The following ETV6 variants were observed in gnomAD, a reference collection of about 807,000 sequenced individuals.
ETV6 encodes the protein ETS variant transcription factor 6, also known as transcription factor ETV6.
ETV6 carries 16 observed loss-of-function variants against 51.1 expected under a neutral mutation model. The ratio of observed to expected loss-of-function variants is 0.31; its 90% CI spans 0.21 to 0.48. The LOEUF (loss-of-function observed/expected upper bound fraction) is 0.48, where lower values mean the gene tolerates loss of function less well. ETV6 is among the 20% of genes least tolerant of loss of function. The pLI is 0.99. For missense variants in ETV6, 458 were observed against 594.8 expected (o/e 0.77, Z 2.39); for synonymous variants, 240 against 224.1 (o/e 1.07, Z -0.64).
At chr12:11,688,606 A>G (rs1471994934) in intron 1 of ETV6, among the ~76,000 whole-genome samples, 1 of 152,230 alleles carries the variant, frequency 6.6e-6, no homozygotes, top group African/African-American at 2.4e-5. Context: ...AAGACTGCAG[A>G]AGGCAGAGTT....
At chr12:11,888,450 C>T (rs183561256) in intron 7 of ETV6, among the ~76,000 whole-genome samples, 2 of 147,044 alleles carry the variant, frequency 1.4e-5, no homozygotes, top group East Asian at 3.9e-4. Context: ...GGCTACAGTG[C>T]AGTGGCACAA....
At chr12:11,813,044 C>G (rs886613476) in intron 2 of ETV6, among the ~76,000 whole-genome samples, 3 of 152,188 alleles carry the variant, frequency 2.0e-5, no homozygotes, top group Non-Finnish European at 4.4e-5. Flanking sequence ...GCCTTCAGTT[C>G]GCCGGGATGT....
At chr12:11,835,155 G>A (rs1163833838) in intron 2 of ETV6, among the ~76,000 whole-genome samples, 2 of 152,176 alleles carry the variant, frequency 1.3e-5, no homozygotes, top group Non-Finnish European at 2.9e-5. Context: ...GGACCTACTC[G>A]GGAGAGGGGA....
chr12:11,707,680 C>G (rs1865098512), intron 1 of ETV6, among the ~76,000 whole-genome samples: 1 of 152,162 alleles, frequency 6.6e-6, no homozygotes, highest in Non-Finnish European at 1.5e-5. Flanking sequence ...TAATCGGGAC[C>G]TTTCTTTGAT....
chr12:11,760,906 G>A (rs61921812), intron 2 of ETV6, among the ~76,000 whole-genome samples: 89,035 of 150,424 alleles, frequency 0.59, 27,608 homozygotes, highest in Admixed American at 0.74. Flanking sequence ...GTGTGTGTGT[G>A]TGTATATAAA....
intron 2 of ETV6, among the ~76,000 whole-genome samples, chr12:11,770,858 C>T (rs577232796): frequency 6.6e-6 from 1 of 152,110 alleles, no homozygotes; most frequent in Admixed American, 6.5e-5. Context: ...CATGATTGTG[C>T]CACTGCACTC....
chr12:11,707,549 C>T (rs1217442737), intron 1 of ETV6, among the ~76,000 whole-genome samples: 1 of 152,146 alleles, frequency 6.6e-6, no homozygotes, highest in African/African-American at 2.4e-5. Context: ...TGAGAAATGT[C>T]GGAAGCATGG....
rs565583237 is a variant in ETV6, at chr12:11,882,053, C to G, written c.1010-2392C>G. On this transcript the variant is annotated intron_variant, in intron 5 of 7. Transcript: ENST00000396373. ...TTAGAATGGGGTTCAAAGTCCAGGA[C>G]TATGGTGTTGTTGTTTTAAGAAGGA... Among the ~76,000 whole-genome samples the G allele has an allele frequency of 9.9e-5, 15 of 152,282 alleles. No homozygotes were observed. In the South Asian group the frequency reaches 3.1e-3, roughly 32 times the overall value.
rs1249032859 is a variant in ETV6, at chr12:11,893,535, A to G, written c.*2489A>G. The stretch of plus-strand genomic sequence containing the variant: ...TTATTTCCCATTCAGATACAGGTTG[A>G]GCATCCCTAATCTGAACAGTTAAAA... On this transcript the variant is annotated 3_prime_UTR_variant, in exon 8 of 8. Transcript: ENST00000396373. 8.6e-6 allele frequency: 2 copies of G among 231,764 alleles called. No homozygotes were observed. The highest frequency in any genetic ancestry group is 1.7e-5 in the Non-Finnish European group (2 of 117,216). 14.4% of individuals were successfully genotyped at this position (231,764 alleles called of 1,614,324 possible).
chr12:11,724,273 A>G (rs550680176), intron 1 of ETV6, among the ~76,000 whole-genome samples: 1 of 152,202 alleles, frequency 6.6e-6, no homozygotes, highest in Admixed American at 6.5e-5. Flanking sequence ...TAAGGTTTCC[A>G]TGCGCAGCCT....
intron 5 of ETV6, among the ~76,000 whole-genome samples, chr12:11,879,566 A>AC (rs1259144178): frequency 2.6e-5 from 4 of 152,232 alleles, no homozygotes; most frequent in African/African-American, 9.6e-5. Flanking sequence ...AGCTGCGGAT[A>AC]CCGAGGGTAC....
chr12:11,745,049 C>T (rs1865883044), intron 1 of ETV6, among the ~76,000 whole-genome samples: 1 of 152,134 alleles, frequency 6.6e-6, no homozygotes, highest in Non-Finnish European at 1.5e-5. Context: ...GCTCCTAATT[C>T]TAGAAACTAG....
rs1361401999 is a variant in ETV6, at chr12:11,883,285, T to C, written c.1010-1160T>C. The stretch of plus-strand genomic sequence containing the variant: ...TACATCATGTCTTCTTCTTTTTTTT[T>C]TTTTTTTTTTTTTTTTTTTTTTTTT... On this transcript the variant is annotated intron_variant, in intron 5 of 7. Coordinates refer to ENST00000396373, the MANE Select transcript of ETV6 (RefSeq NM_001987.5). Among the ~76,000 whole-genome samples, 135 of 31,898 alleles carry C rather than the reference T, an allele frequency of 4.2e-3. 2 individuals are homozygous for C. The highest frequency in any genetic ancestry group is 6.6e-3 in the African/African-American group (106 of 16,130). 20.9% of individuals were successfully genotyped at this position (31,898 alleles called of 152,430 possible). A position where few individuals can be genotyped will look rare whatever the true frequency, so the allele number is the denominator to read the frequency against.
chr12:11,887,688 C>T (rs1432381396), intron 7 of ETV6, among the ~76,000 whole-genome samples: 4 of 149,514 alleles, frequency 2.7e-5, no homozygotes, highest in Non-Finnish European at 5.9e-5. Context: ...GCAGAGGTTG[C>T]AGTGAGCTGA....
intron 2 of ETV6, among the ~76,000 whole-genome samples, chr12:11,838,522 C>G (rs920569832): frequency 8.5e-5 from 13 of 152,326 alleles, no homozygotes; most frequent in Middle Eastern, 3.4e-3. Context: ...GACCTTTTAT[C>G]CTTACTTTGC....
chr12:11,815,731 T>C (rs1027464590), intron 2 of ETV6, among the ~76,000 whole-genome samples: 1 of 152,224 alleles, frequency 6.6e-6, no homozygotes, highest in Admixed American at 6.5e-5. Flanking sequence ...GGTGAAGAGC[T>C]TGATGTGTGT....
chr12:11,680,213 C>T (rs997764948), intron 1 of ETV6, among the ~76,000 whole-genome samples: 9 of 152,120 alleles, frequency 5.9e-5, no homozygotes, highest in African/African-American at 2.2e-4. Flanking sequence ...CTACTCTGGC[C>T]CCTTCAGATA....
At chr12:11,850,774 G>T (rs529365206) in intron 3 of ETV6, among the ~76,000 whole-genome samples, 1 of 152,330 alleles carries the variant, frequency 6.6e-6, no homozygotes, top group East Asian at 1.9e-4. Flanking sequence ...TGACTCCAGA[G>T]CATGGCCTCT....
rs937485855 is a variant in ETV6, at chr12:11,831,195, GTGTGTGTGTCTGTGTC to G, written c.164-7929_164-7914del. 1.1e-3 allele frequency among the ~76,000 whole-genome samples: 168 copies of G among 152,248 alleles called. 1 individual carries two copies. The highest frequency in any genetic ancestry group is 3.7e-3 in the African/African-American group (154 of 41,534). On this transcript the variant is annotated intron_variant, in intron 2 of 7. Coordinates refer to ENST00000396373, the MANE Select transcript of ETV6 (RefSeq NM_001987.5). ...AGCTCAATTTTTAAATAGTTTGTGT[GTGTGTGTGTCTGTGTC>G]TGTGTGTGTCTGTGTGTGTGTTTGT...
Sources: allele counts gnomAD v4.1 joint callset (sites outside exome capture counted in the v4.1 genomes callset), GRCh38; gene constraint gnomAD v4.1.1; transcripts MANE v1.5; gene names NCBI Gene and HGNC (gene_info 2026-07-23, HGNC 2026-07-21).